The following GPR107 variants were observed in gnomAD, a reference collection of about 807,000 sequenced individuals.
GPR107 encodes the protein G protein-coupled receptor 107, also known as protein GPR107.
A neutral mutation model predicts 75.5 loss-of-function variants in GPR107; 31 were observed. The ratio of observed to expected loss-of-function variants is 0.41; its 90% CI spans 0.31 to 0.55. The LOEUF is 0.55. GPR107 is among the 20% of genes least tolerant of loss of function. The probability of loss-of-function intolerance (pLI) is 0.26; values close to 1 mark genes in which losing one functional copy is unlikely to be tolerated. For missense variants in GPR107, 572 were observed against 665.7 expected, an observed-to-expected ratio of 0.86 and a Z score of 1.55; for synonymous variants, 267 against 251.3, an observed-to-expected ratio of 1.06 and a Z score of -0.59.
At chr9:130,086,756 G>T (rs2132582486) in intron 7 of GPR107, among the ~76,000 whole-genome samples, 1 of 152,168 alleles carries the variant, frequency 6.6e-6, no homozygotes, top group East Asian at 1.9e-4. Flanking sequence ...CTGTTCCCAT[G>T]ACCCCTTTGC....
intron 14 of GPR107, among the ~76,000 whole-genome samples, chr9:130,115,068 C>A (rs1445893892): frequency 6.6e-6 from 1 of 152,158 alleles, no homozygotes; most frequent in African/African-American, 2.4e-5. Flanking sequence ...TGCATCATGG[C>A]TGCAACTCAT....
Position 130,090,924 on chromosome 9 carries a change from T to C in GPR107, c.670T>C (p.Tyr224His). The change falls in exon 8 of 18, where the codon TAT (tyrosine) becomes CAT (histidine). Residue 224 changes from tyrosine (Y) to histidine (H), a missense_variant. By Grantham distance (83) the Tyr-to-His change is moderately conservative. Transcript: ENST00000347136. ...TGACCAAGAAGGCCTTTACAGTCTT[T>C]ATTTTCATAAATGCCTTGGAAAAGA... The part of the protein sequence containing the change: ...TDDQEGLYSL[Y>H]FHKCLGKELP... The C allele has an allele frequency of 6.4e-7, 1 of 1,563,266 alleles. No homozygotes were observed. The highest frequency in any genetic ancestry group is 8.8e-7 in the Non-Finnish European group (1 of 1,134,292).
chr9:130,058,438 A>T (rs1281321700), intron 1 of GPR107, among the ~76,000 whole-genome samples: 1 of 151,892 alleles, frequency 6.6e-6, no homozygotes, highest in African/African-American at 2.4e-5. Context: ...TGTTTAATGT[A>T]AGTGGAATCA....
In GPR107 at chr9:130,107,519, C is replaced by A; in HGVS notation, c.1286C>A (p.Ala429Glu). The change falls in exon 14 of 18, where the codon GCA becomes GAA. Residue 429 changes from alanine to glutamate, a missense_variant. Coordinates refer to ENST00000347136, the MANE Select transcript of GPR107 (RefSeq NM_020960.5). ...VVWSIRHLQE[A>E]SATDGKAAIN... ...AGGTCAATCAGACATTTACAAGAAGCATCAGCAACAGATGGAAAAGGCAAG... is the reference window on the plus strand; with the variant it reads ...AGGTCAATCAGACATTTACAAGAAGAATCAGCAACAGATGGAAAAGGCAAG... 1 of 1,599,688 alleles carries A rather than the reference C, an allele frequency of 6.3e-7. No individual in the cohort carries two copies. The highest frequency in any genetic ancestry group is 8.6e-7 in the Non-Finnish European group (1 of 1,166,802).
chr9:130,138,730 A>G lies in GPR107; in HGVS notation c.*3609A>G, dbSNP rs1262922767. ...TCTCAAGAGTGGCATACTCATGCCA[A>G]ATATTATTGCTCTGGGCCATATAGG... is the stretch of plus-strand genomic sequence containing the variant. On this transcript the variant is annotated 3_prime_UTR_variant, in exon 18 of 18. Coordinates refer to ENST00000347136, the MANE Select transcript of GPR107 (RefSeq NM_020960.5). The G allele has an allele frequency of 1.3e-5, 2 of 151,982 alleles. No homozygotes were observed. Among genetic ancestry groups the G allele is most frequent in the East Asian group, 1.9e-4 (1 of 5,164 alleles). 9.4% of individuals were successfully genotyped at this position (151,982 alleles called of 1,614,324 possible).
At chr9:130,134,235 C>T (rs1831898318) in intron 17 of GPR107, among the ~76,000 whole-genome samples, 1 of 152,332 alleles carries the variant, frequency 6.6e-6, no homozygotes, top group East Asian at 1.9e-4. Context: ...ACCAGCTCAC[C>T]TTCTGTGAGG....
rs1831188258 is a variant in GPR107, at chr9:130,107,487, T to G, written c.1263-9T>G. On this transcript the variant is annotated splice_polypyrimidine_tract_variant and intron_variant, in intron 13 of 17. Transcript: ENST00000347136. ...GCTAACTTTTTGTTCTCTAAATGTT[T>G]ATTTTTAGGTCAATCAGACATTTAC... 6.4e-6 allele frequency: 10 copies of G among 1,557,336 alleles called. No individual in the cohort carries two copies. In the South Asian group the frequency reaches 1.0e-4, roughly 16 times the overall value.
chr9:130,134,870 C>T (rs1346326847), intron 17 of GPR107, among the ~76,000 whole-genome samples, 155 bp from the exon 18 acceptor site: 1 of 152,218 alleles, frequency 6.6e-6, no homozygotes, highest in Non-Finnish European at 1.5e-5. Flanking sequence ...CAAGGTTACA[C>T]AGCTAGTAAG....
intron 1 of GPR107, among the ~76,000 whole-genome samples, chr9:130,066,985 C>T (rs2132545126): frequency 6.7e-6 from 1 of 149,364 alleles, no homozygotes; most frequent in East Asian, 1.9e-4. Flanking sequence ...GACTCCGTCT[C>T]CAAAAAAAAA....
intron 7 of GPR107, among the ~76,000 whole-genome samples, chr9:130,088,746 C>T (rs964331967): frequency 6.6e-6 from 1 of 152,180 alleles, no homozygotes; most frequent in African/African-American, 2.4e-5. Flanking sequence ...TTCAGATCCA[C>T]GTTTGTTTGA....
intron 14 of GPR107, among the ~76,000 whole-genome samples, chr9:130,123,623 C>T (rs1202379503): frequency 6.6e-6 from 1 of 150,886 alleles, no homozygotes; most frequent in Non-Finnish European, 1.5e-5. Context: ...CCTGCCTCAG[C>T]CCCCCAAGTA....
At chr9:130,121,750 C>T (rs1300339337) in intron 14 of GPR107, among the ~76,000 whole-genome samples, 1 of 152,232 alleles carries the variant, frequency 6.6e-6, no homozygotes, top group African/African-American at 2.4e-5. Context: ...CCCATGCTTA[C>T]CCCTGTCAGG....
chr9:130,085,782 A>G (rs4837456), intron 6 of GPR107, among the ~76,000 whole-genome samples: 1 of 40,598 alleles, frequency 2.5e-5, no homozygotes, highest in African/African-American at 1.1e-4. Flanking sequence ...GCCGGGGGGA[A>G]CGCAGTCTTG....
chr9:130,054,046 G>T lies in GPR107; in HGVS notation c.114G>T (p.Leu38=). 1 of 1,554,880 alleles carries T rather than the reference G, an allele frequency of 6.4e-7. No homozygotes were observed. The change falls in exon 1 of 18, where the codon CTG becomes CTT. Residue 38 remains leucine, a synonymous_variant. Coordinates refer to ENST00000347136, the MANE Select transcript of GPR107 (RefSeq NM_020960.5). ...TGCAGTTGCTGGCCGAGCCTGGCCT[G>T]GGCCGCGTCCATCACCTGGCACTCA... ...GLLQLLAEPG[L]GRVHHLALKD...
chr9:130,062,945 G>C (rs1028223824), intron 1 of GPR107, among the ~76,000 whole-genome samples: 2 of 152,062 alleles, frequency 1.3e-5, no homozygotes, highest in Non-Finnish European at 2.9e-5. Context: ...GTCCAGGCTG[G>C]TCTTGAACTC....
At chr9:130,067,752 C>CTTTT (rs11409264) in intron 1 of GPR107, among the ~76,000 whole-genome samples, 16 of 116,840 alleles carry the variant, frequency 1.4e-4, no homozygotes, top group East Asian at 7.6e-4. Flanking sequence ...CCACCGCCCC[C>CTTTT]TTTTTTTTTT....
chr9:130,060,278 G>T (rs1422057291), intron 1 of GPR107, among the ~76,000 whole-genome samples: 1 of 151,978 alleles, frequency 6.6e-6, no homozygotes, highest in East Asian at 1.9e-4. Flanking sequence ...GACCGGGCTG[G>T]TCTCAAACTC....
intron 14 of GPR107, among the ~76,000 whole-genome samples, chr9:130,122,364 C>G (rs1831568943): frequency 6.6e-6 from 1 of 152,160 alleles, no homozygotes; most frequent in African/African-American, 2.4e-5. Flanking sequence ...ATTTCATTGT[C>G]CCCTGCCGAT....
chr9:130,123,093 G>A (rs1015500327), intron 14 of GPR107, among the ~76,000 whole-genome samples: 16 of 152,282 alleles, frequency 1.1e-4, no homozygotes, highest in Admixed American at 5.9e-4. Context: ...CACCCAGCCT[G>A]GAGTGCAGTG....
Sources: gnomAD v4.1 joint callset for allele counts (sites outside exome capture counted in the v4.1 genomes callset) on GRCh38, gnomAD v4.1.1 for gene constraint, MANE v1.5 for transcripts, NCBI Gene and HGNC (gene_info 2026-07-23, HGNC 2026-07-21) for gene names.